GRIN2D: variants seen among roughly 807,000 people sequenced by gnomAD.
GRIN2D encodes the protein glutamate ionotropic receptor NMDA type subunit 2D.
GRIN2D carries 37 observed loss-of-function variants against 103.2 expected under a neutral mutation model. The ratio of observed to expected loss-of-function variants is 0.36; its 90% CI spans 0.28 to 0.47. The LOEUF (loss-of-function observed/expected upper bound fraction) is 0.47. Ranked by LOEUF, GRIN2D falls within the 20% of genes least tolerant of loss-of-function variation. The pLI is 1.00. For synonymous variants in GRIN2D, 845 were observed against 885.6 expected (o/e 0.95, Z 0.81); for missense variants, 1,557 against 1,910.6 (o/e 0.81, Z 3.45).
At chr19:48,411,133 G>C (rs1305322276) in intron 4 of GRIN2D, among the ~76,000 whole-genome samples, 2 of 151,952 alleles carry the variant, frequency 1.3e-5, no homozygotes, top group Admixed American at 1.3e-4. Flanking sequence ...ATCTGAGCTT[G>C]GGACATGGCG....
At position 48,405,460 on chromosome 19, in the gene GRIN2D, TCA is replaced by T; in HGVS notation, c.1085+108_1085+109del. 1 of 1,171,112 alleles carries T rather than the reference TCA, an allele frequency of 8.5e-7. No homozygotes were observed. The highest frequency in any genetic ancestry group is 1.1e-6 in the Non-Finnish European group (1 of 873,958). The allele number at this position is 1,171,112 out of a possible 1,614,324, so 72.5% of individuals were successfully genotyped here. On this transcript the variant is annotated intron_variant, in intron 4 of 13. Transcript: ENST00000263269. This position sits in a 1 kb window ranked among gnomAD's most constrained non-coding sequence, Gnocchi z 5.1. Reference sequence around the variant, plus strand: ...ATGGGCCACATCTGCTCTTTGAGCCTCAGTTTTCTTTTCTGTAAAGTGGGTGC... The same window carrying T: ...ATGGGCCACATCTGCTCTTTGAGCCTGTTTTCTTTTCTGTAAAGTGGGTGC...
intron 11 of GRIN2D, among the ~76,000 whole-genome samples, chr19:48,435,296 GT>G (rs766061537): frequency 1.4e-4 from 17 of 121,612 alleles, no homozygotes; most frequent in African/African-American, 4.1e-4. Flanking sequence ...TCAGCCACTT[GT>G]TTTTTTTTTT....
At chr19:48,412,694 C>T (rs188317581) in intron 4 of GRIN2D, among the ~76,000 whole-genome samples, 198 of 152,032 alleles carry the variant, frequency 1.3e-3, no homozygotes, top group African/African-American at 3.8e-3. Flanking sequence ...GAGGCTGAGG[C>T]AGGAGAATTG....
chr19:48,415,109 G>C, intron 7 of GRIN2D, 77 bp downstream of exon 7: 9 of 1,323,986 alleles, frequency 6.8e-6, no homozygotes, highest in Non-Finnish European at 9.3e-6. Flanking sequence ...GGTGGCTCAC[G>C]CCTGTAATCC....
chr19:48,418,590 G>A (rs1970975827), intron 8 of GRIN2D, among the ~76,000 whole-genome samples: 1 of 152,172 alleles, frequency 6.6e-6, no homozygotes, highest in Non-Finnish European at 1.5e-5. Context: ...TGAGAATGGA[G>A]AGGAGAGGCC....
At chr19:48,439,241 C>T (rs760856602) in intron 11 of GRIN2D, among the ~76,000 whole-genome samples, 40 of 150,968 alleles carry the variant, frequency 2.6e-4, no homozygotes, top group African/African-American at 8.0e-4. Context: ...AACAAACAAA[C>T]AAATAAATAA....
chr19:48,435,846 G>C (rs1971222930), intron 11 of GRIN2D, among the ~76,000 whole-genome samples: 1 of 152,250 alleles, frequency 6.6e-6, no homozygotes, highest in South Asian at 2.1e-4. Flanking sequence ...CTGCCTCATG[G>C]AACTTAAATT....
chr19:48,413,902 C>T, intron 4 of GRIN2D, 89 bp from the exon 5 acceptor site: 1 of 754,790 alleles, frequency 1.3e-6, no homozygotes, highest in Non-Finnish European at 2.4e-6. Context: ...GGGGCTGGGG[C>T]TGGTCTGCAG....
Position 48,443,115 on chromosome 19 carries a change from C to A in GRIN2D, c.3189C>A (p.Arg1063=). The change falls in exon 14 of 14, where the codon CGC becomes CGA. Residue 1063 remains arginine, a synonymous_variant. Coordinates refer to ENST00000263269, the MANE Select transcript of GRIN2D (RefSeq NM_000836.4). This position sits in a 1 kb window ranked among gnomAD's most constrained non-coding sequence, Gnocchi z 8.9. ...CGCCGGCGCCCGCGCGGTGGCCGCG[C>A]TCGGACCCCGAGAGCCAACCCCTGC... The part of the protein sequence containing the change: ...ESPPAPARWP[R]SDPESQPLLG... The A allele has an allele frequency of 9.8e-7, 1 of 1,017,986 alleles. No homozygotes were observed. The highest frequency in any genetic ancestry group is 1.2e-6 in the Non-Finnish European group (1 of 849,706). 63.1% of individuals were successfully genotyped at this position (1,017,986 alleles called of 1,614,324 possible). A position where few individuals can be genotyped will look rare whatever the true frequency, so the allele number is the denominator to read the frequency against.
At chr19:48,428,829 C>T (rs527997543) in intron 11 of GRIN2D, among the ~76,000 whole-genome samples, 1 of 152,142 alleles carries the variant, frequency 6.6e-6, no homozygotes, top group South Asian at 2.1e-4. Context: ...GGGAACACAA[C>T]TAAACCCTTA....
At chr19:48,440,161 AGATCAC>A (rs1971274382) in intron 11 of GRIN2D, among the ~76,000 whole-genome samples, 1 of 151,886 alleles carries the variant, frequency 6.6e-6, no homozygotes. Flanking sequence ...CAGTGAGCTG[AGATCAC>A]GCCTCTGCAC....
chr19:48,432,466 A>T (rs1190996891), intron 11 of GRIN2D, among the ~76,000 whole-genome samples: 4 of 150,338 alleles, frequency 2.7e-5, no homozygotes, highest in African/African-American at 9.8e-5. Context: ...CCTCTCCTTC[A>T]TTTCTCTGTT....
At chr19:48,397,525 G>A (rs552845676) in intron 2 of GRIN2D, among the ~76,000 whole-genome samples, 57 of 151,688 alleles carry the variant, frequency 3.8e-4, no homozygotes, top group Admixed American at 2.6e-3. Flanking sequence ...CTTTATGTGC[G>A]CGTGTCTCTT....
In GRIN2D at chr19:48,393,916, G is replaced by T. The variant is rs925389442; in HGVS notation, c.-306+48G>T. 1.3e-5 allele frequency among the ~76,000 whole-genome samples: 2 copies of T among 152,042 alleles called. No homozygotes were observed. Among genetic ancestry groups the T allele is most frequent in the African/African-American group, 4.8e-5 (2 of 41,384 alleles). The stretch of plus-strand genomic sequence containing the variant: ...GTCTGGGGCTGGCTGGTGGAGGGGG[G>T]GTGTGTCTGTAAGCGCTGCGGCGGC... On this transcript the variant is annotated intron_variant, in intron 1 of 13. Transcript: ENST00000263269. The surrounding 1 kb of genome is among the most constrained non-coding windows in gnomAD (Gnocchi z 5.6).
intron 11 of GRIN2D, among the ~76,000 whole-genome samples, chr19:48,426,400 A>G (rs980651546): frequency 4.0e-5 from 6 of 150,742 alleles, no homozygotes; most frequent in East Asian, 3.9e-4. Context: ...TAATTTTTGT[A>G]TGTTTAGTAG....
At position 48,414,280 on chromosome 19, in the gene GRIN2D, C is replaced by T. The variant is rs1970914337; in HGVS notation, c.1201-93C>T. On this transcript the variant is annotated intron_variant, in intron 5 of 13. Transcript: ENST00000263269. The surrounding 1 kb of genome is among the most constrained non-coding windows in gnomAD (Gnocchi z 4.6). ...CTGGGTCTTGGAAGAAGCTGCTGCC[C>T]ACACACCTAGGTCTGAGGGAAGAGG... 4.4e-6 allele frequency: 5 copies of T among 1,133,166 alleles called. No individual in the cohort carries two copies. Among genetic ancestry groups the T allele is most frequent in the Non-Finnish European group, 6.4e-6 (5 of 781,760 alleles). The allele number at this position is 1,133,166 out of a possible 1,614,324, so 70.2% of individuals were successfully genotyped here. A position where few individuals can be genotyped will look rare whatever the true frequency, so the allele number is the denominator to read the frequency against.
chr19:48,419,134 C>T, intron 8 of GRIN2D, 100 bp from the exon 9 acceptor site: 1 of 1,101,252 alleles, frequency 9.1e-7, no homozygotes, highest in Admixed American at 2.6e-5. Flanking sequence ...CTGCCTCAGC[C>T]TCCCAAAGTT....
intron 11 of GRIN2D, among the ~76,000 whole-genome samples, chr19:48,435,065 C>G (rs962262699): frequency 6.6e-6 from 1 of 151,976 alleles, no homozygotes; most frequent in Non-Finnish European, 1.5e-5. Flanking sequence ...TCTATTAATT[C>G]GCTAGGGCAG....
At chr19:48,396,046 T>C (rs1970635439) in intron 2 of GRIN2D, among the ~76,000 whole-genome samples, 3 of 152,164 alleles carry the variant, frequency 2.0e-5, no homozygotes, top group South Asian at 4.2e-4. Flanking sequence ...GGGATAGCGC[T>C]TCCGTCTGAG....
Sources: allele counts gnomAD v4.1 joint callset (sites outside exome capture counted in the v4.1 genomes callset), GRCh38; gene constraint gnomAD v4.1.1; non-coding constraint Gnocchi (gnomAD v3.1); transcripts MANE v1.5; gene names NCBI Gene and HGNC (gene_info 2026-07-23, HGNC 2026-07-21).